The following FANCL variants were observed in gnomAD, a reference collection of about 807,000 sequenced individuals.
The protein encoded by FANCL is E3 ubiquitin-protein ligase FANCL.
In FANCL, 69 loss-of-function variants were observed where a neutral mutation model predicts 59.4. That is an observed-to-expected ratio of 1.16 (90% CI 0.96 to 1.42). FANCL has a LOEUF of 1.42. Ranked by LOEUF, FANCL falls within the 40% of genes most tolerant of loss-of-function variation. FANCL has a pLI of 0.00. For synonymous variants in FANCL, 180 were observed against 147.1 expected, an observed-to-expected ratio of 1.22 and a Z score of -1.62; for missense variants, 519 against 447.2, an observed-to-expected ratio of 1.16 and a Z score of -1.45.
chr2:58,196,726 G>C (rs1689462539), intron 7 of FANCL, among the ~76,000 whole-genome samples: 1 of 151,878 alleles, frequency 6.6e-6, no homozygotes, highest in African/African-American at 2.4e-5. Flanking sequence ...CTTTTCCACA[G>C]ATAAATGCCT....
chr2:58,164,181 G>C (rs1273608726), intron 8 of FANCL, among the ~76,000 whole-genome samples: 4 of 151,968 alleles, frequency 2.6e-5, no homozygotes, highest in Admixed American at 2.6e-4. Flanking sequence ...TACAGCGTAA[G>C]TTTCAGAAAT....
intron 4 of FANCL, 33 bp from the exon 5 acceptor site, chr2:58,222,075 G>A (rs1573778295): frequency 6.8e-7 from 1 of 1,474,150 alleles, no homozygotes; most frequent in Non-Finnish European, 9.5e-7. Context: ...AATTAGCTGT[G>A]GAACGCAAGA....
intron 7 of FANCL, among the ~76,000 whole-genome samples, chr2:58,182,146 T>C (rs573466203): frequency 4.0e-5 from 6 of 151,880 alleles, no homozygotes; most frequent in Non-Finnish European, 7.4e-5. Flanking sequence ...ACTATGGATA[T>C]AGGTAAGAAA....
chr2:58,230,326 G>A (rs1041335993), intron 2 of FANCL, among the ~76,000 whole-genome samples: 1 of 151,738 alleles, frequency 6.6e-6, no homozygotes, highest in Non-Finnish European at 1.5e-5. Context: ...ATTTTTTAGA[G>A]ACAGGATCTC....
chr2:58,185,200 T>C (rs1031477759), intron 7 of FANCL, among the ~76,000 whole-genome samples: 3 of 151,902 alleles, frequency 2.0e-5, no homozygotes, highest in African/African-American at 4.8e-5. Context: ...AAGGAAAAAA[T>C]AGACATCTCC....
rs1242258981 is a variant in FANCL at position 58,163,505 on chromosome 2, G to A, written c.704C>T (p.Ser235Phe). 1 of 1,596,398 alleles carries A rather than the reference G, an allele frequency of 6.3e-7. No individual in the cohort carries two copies. Among genetic ancestry groups the A allele is most frequent in the Non-Finnish European group, 8.6e-7 (1 of 1,164,350 alleles). The change falls in exon 9 of 14, where the codon TCC (serine) becomes TTC (phenylalanine). Residue 235 changes from serine to phenylalanine, a missense_variant. Physicochemically the swap from Ser to Phe is radical, Grantham distance 155 (BLOSUM62 -2). Transcript: ENST00000233741. ...CCTGGGGTCTACCTCTATATTTATGGAAACATTATTACCTAGAATGAAACA... is the reference window on the plus strand; with the variant it reads ...CCTGGGGTCTACCTCTATATTTATGAAAACATTATTACCTAGAATGAAACA... Reference protein sequence around the residue: ...ARRIALGNNVSINIEVDPRHP... With the variant: ...ARRIALGNNVFINIEVDPRHP...
chr2:58,222,183 T>G, intron 4 of FANCL, 141 bp from the exon 5 acceptor site: 1 of 618,762 alleles, frequency 1.6e-6, no homozygotes, highest in Non-Finnish European at 2.9e-6. Context: ...GGCTGACTCA[T>G]TCCCCTGCTC....
chr2:58,165,622 C>T, intron 8 of FANCL, 102 bp downstream of exon 8: 1 of 1,437,506 alleles, frequency 7.0e-7, no homozygotes, highest in East Asian at 2.3e-5. Flanking sequence ...TAATAGTTGA[C>T]TTCATATAAA....
chr2:58,175,278 A>G (rs1370819261), intron 7 of FANCL, among the ~76,000 whole-genome samples: 1 of 148,946 alleles, frequency 6.7e-6, no homozygotes, highest in Non-Finnish European at 1.5e-5. Context: ...TCCCTAACTC[A>G]TTTTATGAGG....
chr2:58,179,571 T>C (rs949624166), intron 7 of FANCL, among the ~76,000 whole-genome samples: 24 of 152,096 alleles, frequency 1.6e-4, no homozygotes, highest in Non-Finnish European at 1.9e-4. Flanking sequence ...TTACACCTTA[T>C]ACAAAAATTA....
rs748875030 is a variant in FANCL at position 58,160,122 on chromosome 2, G to T, written c.1078C>A (p.Pro360Thr). The T allele has an allele frequency of 7.4e-6, 12 of 1,612,522 alleles. No homozygotes were observed. Among genetic ancestry groups the T allele is most frequent in the Non-Finnish European group, 1.0e-5 (12 of 1,178,826 alleles). ...QSFNIIFGEC[P>T]YCSKPITLKM... is the part of the protein sequence containing the mutation. ...AATTTGCTTACCTTACTACAATATG[G>T]ACATTCACCAAATATGATGTTAAAA... Residue 360 changes from proline to threonine, a missense_variant, in exon 13 of 14, where the codon CCA (proline) becomes ACA (threonine). By Grantham distance (38) the Pro-to-Thr change is conservative. Coordinates refer to ENST00000233741, the MANE Select transcript of FANCL (RefSeq NM_018062.4).
intron 7 of FANCL, among the ~76,000 whole-genome samples, chr2:58,171,401 C>T (rs544236206): frequency 1.3e-5 from 2 of 152,106 alleles, no homozygotes; most frequent in Non-Finnish European, 2.9e-5. Context: ...AAATTTATAA[C>T]GAAATGCCCA....
chr2:58,168,691 T>A (rs561676982), intron 7 of FANCL, among the ~76,000 whole-genome samples: 4 of 152,174 alleles, frequency 2.6e-5, no homozygotes, highest in African/African-American at 9.6e-5. Flanking sequence ...CAAGCTAAGA[T>A]CCACTGGCTT....
chr2:58,204,290 T>C (rs1187781372), intron 5 of FANCL, 64 bp from the exon 6 acceptor site: 3 of 1,170,952 alleles, frequency 2.6e-6, no homozygotes, highest in African/African-American at 3.0e-5. Context: ...GAACTGGAGA[T>C]GGTTGAATTT....
At chr2:58,238,347 G>A (rs1694213121) in intron 1 of FANCL, among the ~76,000 whole-genome samples, 1 of 152,130 alleles carries the variant, frequency 6.6e-6, no homozygotes, top group Non-Finnish European at 1.5e-5. Context: ...TACCATCCAA[G>A]TTGTTCGCAA....
Position 58,160,185 on chromosome 2 carries a change from A to T in FANCL, c.1021-6T>A. 6.2e-7 allele frequency: 1 copy of T among 1,612,366 alleles called. No homozygotes were observed. Among genetic ancestry groups the T allele is most frequent in the Non-Finnish European group, 8.5e-7 (1 of 1,178,648 alleles). On this transcript the variant is annotated splice_polypyrimidine_tract_variant and splice_region_variant and intron_variant, in intron 12 of 13. Transcript: ENST00000233741. ...GTTAGTAGTCCTCTCAGCCACTGCAAATTTTAAAAGATAAAGGAGAAGCGT... is the reference window on the plus strand; with the variant it reads ...GTTAGTAGTCCTCTCAGCCACTGCATATTTTAAAAGATAAAGGAGAAGCGT...
intron 1 of FANCL, among the ~76,000 whole-genome samples, chr2:58,233,840 G>A (rs1016099464): frequency 1.3e-5 from 2 of 151,974 alleles, no homozygotes; most frequent in African/African-American, 4.8e-5. Flanking sequence ...TCCTGGGAAA[G>A]AATGCTTTAG....
chr2:58,196,549 TTAATA>T (rs1309714305), intron 7 of FANCL, among the ~76,000 whole-genome samples: 3 of 151,840 alleles, frequency 2.0e-5, no homozygotes, highest in African/African-American at 4.8e-5. Context: ...ATTAATATTA[TTAATA>T]TAATATTTAT....
intron 5 of FANCL, among the ~76,000 whole-genome samples, chr2:58,220,041 G>A (rs1433639163): frequency 6.6e-6 from 1 of 151,682 alleles, no homozygotes; most frequent in Non-Finnish European, 1.5e-5. Flanking sequence ...TAATATCCAT[G>A]GGTAAAACTG....
Sources: gnomAD v4.1 joint callset for allele counts (sites outside exome capture counted in the v4.1 genomes callset) on GRCh38, gnomAD v4.1.1 for gene constraint, MANE v1.5 for transcripts, NCBI Gene and HGNC (gene_info 2026-07-23, HGNC 2026-07-21) for gene names.